RGS8: variants seen among roughly 807,000 people sequenced by gnomAD.
RGS8 encodes the protein regulator of G protein signaling 8, also known as regulator of G-protein signaling 8.
Under a neutral mutation model 21.7 loss-of-function variants are expected in RGS8, and 8 were observed. The ratio of observed to expected loss-of-function variants is 0.37; its 90% CI spans 0.22 to 0.66. The LOEUF is 0.66. Among genes scored for constraint, RGS8 ranks in the 30% least tolerant of loss-of-function variants. The pLI is 0.59. For synonymous variants in RGS8, 80 were observed against 83.6 expected (o/e 0.96, Z 0.24); for missense variants, 157 against 217.9 (o/e 0.72, Z 1.76).
chr1:182,741,474 ACCGGGCGGCTGG>A, the RGS8 span, among the ~76,000 whole-genome samples: 13 of 120,488 alleles, frequency 1.1e-4, no homozygotes, highest in South Asian at 8.8e-4. Flanking sequence ...CACTTCCGGG[ACCGGGCGGCTGG>A]CCGGGCGGGG....
At chr1:182,658,894 G>A (rs1030439649) in intron 5 of RGS8, among the ~76,000 whole-genome samples, 1 of 152,194 alleles carries the variant, frequency 6.6e-6, no homozygotes, top group Admixed American at 6.5e-5. Flanking sequence ...TATGTAGAGA[G>A]ATTACGTAGA....
At chr1:182,673,080 G>A (rs546268515), upstream of RGS8, 20 of 573,016 alleles carry the variant, frequency 3.5e-5, no homozygotes, top group Admixed American at 1.8e-4. Flanking sequence ...TTGTCTTCTC[G>A]TTATGCTCTA....
At chr1:182,665,188 C>T (rs535256379) in intron 5 of RGS8, among the ~76,000 whole-genome samples, 53 of 152,204 alleles carry the variant, frequency 3.5e-4, no homozygotes, top group Non-Finnish European at 6.5e-4. Context: ...TTTCTCTTCA[C>T]AAAACCCCTC....
chr1:182,744,763 G>C, the RGS8 span, among the ~76,000 whole-genome samples: 1 of 152,162 alleles, frequency 6.6e-6, no homozygotes, highest in Admixed American at 6.5e-5. Flanking sequence ...ATCACCTACT[G>C]ATGCATTTCT....
chr1:182,731,670 C>T, the RGS8 span, among the ~76,000 whole-genome samples: 12 of 152,154 alleles, frequency 7.9e-5, no homozygotes, highest in Non-Finnish European at 1.5e-5. Context: ...AATGAGAGGC[C>T]ATTTAGGTGG....
the RGS8 span, among the ~76,000 whole-genome samples, chr1:182,731,480 C>T: frequency 6.6e-6 from 1 of 152,210 alleles, no homozygotes; most frequent in African/African-American, 2.4e-5. Flanking sequence ...GAAAACATTT[C>T]CTTAGAGCTA....
At chr1:182,735,397 T>C in the RGS8 span, among the ~76,000 whole-genome samples, 1 of 152,166 alleles carries the variant, frequency 6.6e-6, no homozygotes, top group Non-Finnish European at 1.5e-5. Flanking sequence ...AAGATATCCA[T>C]TAGTTAACTT....
the RGS8 span, among the ~76,000 whole-genome samples, chr1:182,743,361 G>A: frequency 5.9e-5 from 9 of 152,254 alleles, no homozygotes; most frequent in African/African-American, 2.2e-4. Context: ...ACCGAGAATT[G>A]TAGACAATTT....
the RGS8 span, among the ~76,000 whole-genome samples, chr1:182,741,403 G>A: frequency 7.7e-6 from 1 of 130,702 alleles, no homozygotes; most frequent in East Asian, 2.4e-4. Context: ...CTGGCCGGGC[G>A]GGGGGCTGAC....
the RGS8 span, among the ~76,000 whole-genome samples, chr1:182,691,983 A>G: frequency 2.0e-5 from 3 of 151,958 alleles, no homozygotes; most frequent in African/African-American, 7.2e-5. Context: ...AAATCAATGT[A>G]TGAAAATTAG....
At chr1:182,653,381 A>AT (rs796993544) in intron 5 of RGS8, among the ~76,000 whole-genome samples, 434 of 144,030 alleles carry the variant, frequency 3.0e-3, no homozygotes, top group Non-Finnish European at 3.3e-3. Context: ...GAGGAAAGAG[A>AT]TTTTTTTTTT....
chr1:182,724,120 G>A, the RGS8 span, among the ~76,000 whole-genome samples: 1 of 145,892 alleles, frequency 6.9e-6, no homozygotes, highest in Non-Finnish European at 1.5e-5. Context: ...CCTCAATCTG[G>A]GTGGGCACCA....
At chr1:182,673,299 C>G (rs1664250370), upstream of RGS8, among the ~76,000 whole-genome samples, 2 of 152,190 alleles carry the variant, frequency 1.3e-5, no homozygotes, top group African/African-American at 4.8e-5. Flanking sequence ...TCCTATGCCA[C>G]AGTCAGAGAG....
At chr1:182,675,968 G>A (rs962482234), upstream of RGS8, among the ~76,000 whole-genome samples, 3 of 151,878 alleles carry the variant, frequency 2.0e-5, no homozygotes, top group African/African-American at 4.8e-5. Flanking sequence ...TTTTGAGTTC[G>A]TGAAAAAAAA....
At chr1:182,676,074 T>G (rs1664344479), upstream of RGS8, among the ~76,000 whole-genome samples, 1 of 152,140 alleles carries the variant, frequency 6.6e-6, no homozygotes, top group South Asian at 2.1e-4. Context: ...CTAATGACAC[T>G]CAGGGTCAGC....
At chr1:182,655,032 G>A (rs1663200185) in intron 5 of RGS8, among the ~76,000 whole-genome samples, 1 of 152,152 alleles carries the variant, frequency 6.6e-6, no homozygotes, top group African/African-American at 2.4e-5. Flanking sequence ...CGCACCTAGT[G>A]GTTTATGAAT....
the RGS8 span, among the ~76,000 whole-genome samples, chr1:182,737,514 C>A: frequency 1.3e-3 from 192 of 152,108 alleles, no homozygotes; most frequent in African/African-American, 6.7e-4. Context: ...ATAAGTCTTA[C>A]GAGATCTGAT....
the RGS8 span, among the ~76,000 whole-genome samples, chr1:182,747,848 GA>G: frequency 3.0e-3 from 412 of 139,242 alleles, 2 homozygotes; most frequent in African/African-American, 5.9e-3. Context: ...CTAAAAATAC[GA>G]AAAAAAAAAA....
At chr1:182,681,708 G>GT (rs1414412941) in intron 1 of RGS8, among the ~76,000 whole-genome samples, 2 of 152,228 alleles carry the variant, frequency 1.3e-5, no homozygotes, top group East Asian at 3.8e-4. Flanking sequence ...GCATGTGCTG[G>GT]TGCACGTTAA....
Sources: gnomAD v4.1 joint callset for allele counts (sites outside exome capture counted in the v4.1 genomes callset) on GRCh38, gnomAD v4.1.1 for gene constraint, MANE v1.5 for transcripts, NCBI Gene and HGNC (gene_info 2026-07-23, HGNC 2026-07-21) for gene names.